The following ATRN variants were observed in gnomAD, a reference collection of about 807,000 sequenced individuals.
ATRN encodes the protein attractin.
ATRN carries 54 observed loss-of-function variants against 178.7 expected under a neutral mutation model. The observed-to-expected ratio is 0.30, with a 90% confidence interval of 0.24 to 0.38. The LOEUF (loss-of-function observed/expected upper bound fraction) is 0.38, where lower values mean the gene tolerates loss of function less well. ATRN is among the 10% of genes least tolerant of loss of function. The pLI is 1.00. For missense variants in ATRN, 1,443 were observed against 1,815.1 expected (o/e 0.79, Z 3.73); for synonymous variants, 636 against 663.0 (o/e 0.96, Z 0.63).
intron 1 of ATRN, among the ~76,000 whole-genome samples, chr20:3,530,386 C>T (rs1466679820): frequency 1.3e-5 from 2 of 150,852 alleles, no homozygotes; most frequent in African/African-American, 4.9e-5. Context: ...CCCTCAGCCT[C>T]CCGAGTAGCT....
intron 1 of ATRN, among the ~76,000 whole-genome samples, chr20:3,476,342 T>C (rs2084529631): frequency 6.6e-6 from 1 of 152,184 alleles, no homozygotes; most frequent in Admixed American, 6.5e-5. Context: ...CCCAAACCTG[T>C]GTTCTTTTTA....
chr20:3,585,504 A>T (rs1438983360), intron 18 of ATRN, among the ~76,000 whole-genome samples: 1 of 152,216 alleles, frequency 6.6e-6, no homozygotes, highest in Non-Finnish European at 1.5e-5. Context: ...TTTTTTGTCT[A>T]CTAAACTGGA....
chr20:3,640,553 G>A (rs1287855455), intron 27 of ATRN, among the ~76,000 whole-genome samples: 1 of 152,198 alleles, frequency 6.6e-6, no homozygotes, highest in Non-Finnish European at 1.5e-5. Flanking sequence ...AAACAAGTTG[G>A]ATTTCTCATA....
chr20:3,506,637 A>C (rs1191767088), intron 1 of ATRN, among the ~76,000 whole-genome samples: 1 of 151,878 alleles, frequency 6.6e-6, no homozygotes, highest in African/African-American at 2.4e-5. Flanking sequence ...AAAAAAAAAA[A>C]AAAGTAAAAA....
At chr20:3,539,239 A>T (rs2085584592) in intron 2 of ATRN, among the ~76,000 whole-genome samples, 1 of 152,198 alleles carries the variant, frequency 6.6e-6, no homozygotes, top group Non-Finnish European at 1.5e-5. Flanking sequence ...GTTGGGCTGA[A>T]GCCAGGCTAG....
intron 2 of ATRN, among the ~76,000 whole-genome samples, chr20:3,538,324 CCA>C: frequency 6.6e-6 from 1 of 151,984 alleles, no homozygotes; most frequent in Non-Finnish European, 1.5e-5. Flanking sequence ...TCTAAGATGC[CCA>C]CAGTTTCACC....
chr20:3,604,960 G>A (rs1746110033), intron 24 of ATRN, among the ~76,000 whole-genome samples: 1 of 152,060 alleles, frequency 6.6e-6, no homozygotes, highest in Non-Finnish European at 1.5e-5. Flanking sequence ...ATGTCACCTG[G>A]GGCCTTTCCT....
intron 6 of ATRN, among the ~76,000 whole-genome samples, chr20:3,553,849 T>G (rs1450832724): frequency 6.6e-6 from 1 of 152,204 alleles, no homozygotes; most frequent in Non-Finnish European, 1.5e-5. Context: ...CAGACATTTC[T>G]CCCTGTTCTT....
At chr20:3,574,690 A>G (rs1000998627) in intron 12 of ATRN, among the ~76,000 whole-genome samples, 3 of 152,196 alleles carry the variant, frequency 2.0e-5, no homozygotes, top group Non-Finnish European at 4.4e-5. Context: ...TTAAATATGC[A>G]TGTTTATAGG....
At chr20:3,510,478 C>CT (rs1387344078) in intron 1 of ATRN, among the ~76,000 whole-genome samples, 1 of 152,102 alleles carries the variant, frequency 6.6e-6, no homozygotes, top group East Asian at 1.9e-4. Flanking sequence ...TGTAGTTTGC[C>CT]GGTCCCTGAT....
chr20:3,559,339 A>C, intron 6 of ATRN, 54 bp from the exon 7 acceptor site: 3 of 1,296,104 alleles, frequency 2.3e-6, no homozygotes, highest in South Asian at 1.2e-5. Context: ...ATAAAATAGT[A>C]TGAGATGTTC....
intron 18 of ATRN, among the ~76,000 whole-genome samples, chr20:3,586,487 T>TA (rs970873869): frequency 2.7e-5 from 4 of 147,134 alleles, no homozygotes; most frequent in Admixed American, 6.8e-5. Flanking sequence ...TGGATTACCC[T>TA]AAAAAAAATG....
In ATRN at chr20:3,650,569, G is replaced by A. The variant is rs1210469349; in HGVS notation, c.*3722G>A. The stretch of plus-strand genomic sequence containing the variant: ...TTGACCAAACTTGGCTCCAGCCATT[G>A]CGGTGGTTTCTAGATAGCCAGGCCC... On this transcript the variant is annotated 3_prime_UTR_variant, in exon 29 of 29. Transcript: ENST00000262919. The A allele has an allele frequency of 6.6e-6, 1 of 152,234 alleles. No homozygotes were observed. The allele number at this position is 152,234 out of a possible 1,614,324, so 9.4% of individuals were successfully genotyped here.
At chr20:3,472,646 C>T (rs376082260) in intron 1 of ATRN, among the ~76,000 whole-genome samples, 33 of 152,294 alleles carry the variant, frequency 2.2e-4, no homozygotes, top group African/African-American at 7.9e-4. Flanking sequence ...AGAGGGTTCT[C>T]ATTTGAAATG....
At chr20:3,629,099 C>G (rs2086969580) in intron 25 of ATRN, 1 of 985,348 alleles carries the variant, frequency 1.0e-6, no homozygotes, top group African/African-American at 1.7e-5. Context: ...TACCAGGCCC[C>G]AGAGCTGTGG....
At chr20:3,550,727 G>T (rs1030136998) in intron 6 of ATRN, among the ~76,000 whole-genome samples, 2 of 152,128 alleles carry the variant, frequency 1.3e-5, no homozygotes, top group Admixed American at 1.3e-4. Context: ...AGTGGCACAG[G>T]TGGCACCCAG....
intron 24 of ATRN, among the ~76,000 whole-genome samples, chr20:3,617,568 C>T (rs908983783): frequency 2.0e-5 from 3 of 151,984 alleles, no homozygotes; most frequent in African/African-American, 7.2e-5. Flanking sequence ...TCTGTAATCC[C>T]AGCACTTTGA....
In ATRN at chr20:3,647,408, T is replaced by C. The variant is rs980682973; in HGVS notation, c.*561T>C. 1.3e-5 allele frequency: 2 copies of C among 152,940 alleles called. No homozygotes were observed. The highest frequency in any genetic ancestry group is 2.9e-5 in the Non-Finnish European group (2 of 68,266). 9.5% of individuals were successfully genotyped at this position (152,940 alleles called of 1,614,324 possible). A position where few individuals can be genotyped will look rare whatever the true frequency, so the allele number is the denominator to read the frequency against. ...GAGAATTAATAATGGTCCATCTCTT[T>C]TGATCATATCAAGCTAGGATAGAAG... is the stretch of plus-strand genomic sequence containing the variant. On this transcript the variant is annotated 3_prime_UTR_variant, in exon 29 of 29. Coordinates refer to ENST00000262919, the MANE Select transcript of ATRN (RefSeq NM_139321.3).
chr20:3,595,906 A>T (rs1347590994), intron 20 of ATRN, among the ~76,000 whole-genome samples: 1 of 152,110 alleles, frequency 6.6e-6, no homozygotes, highest in Non-Finnish European at 1.5e-5. Context: ...TTTTCTACAG[A>T]CTGGTGAACA....
Sources: allele counts gnomAD v4.1 joint callset (sites outside exome capture counted in the v4.1 genomes callset), GRCh38; gene constraint gnomAD v4.1.1; transcripts MANE v1.5; gene names NCBI Gene and HGNC (gene_info 2026-07-23, HGNC 2026-07-21).